Variants in SLC2A13 observed in about 807,000 individuals in gnomAD.
The protein encoded by SLC2A13 is solute carrier family 2 member 13, also known as proton myo-inositol cotransporter.
Under a neutral mutation model 64.4 loss-of-function variants are expected in SLC2A13, and 32 were observed. The ratio of observed to expected loss-of-function variants is 0.50; its 90% CI spans 0.37 to 0.67. SLC2A13 has a LOEUF of 0.67. Among genes scored for constraint, SLC2A13 ranks in the 30% least tolerant of loss-of-function variants. The probability of loss-of-function intolerance (pLI) is 0.00; values close to 1 mark genes in which losing one functional copy is unlikely to be tolerated. For synonymous variants in SLC2A13, 338 were observed against 327.1 expected (o/e 1.03, Z -0.36); for missense variants, 743 against 829.2 (o/e 0.90, Z 1.28).
chr12:39,893,793 C>T (rs1351894192), intron 4 of SLC2A13, among the ~76,000 whole-genome samples: 1 of 152,160 alleles, frequency 6.6e-6, no homozygotes, highest in Non-Finnish European at 1.5e-5. Flanking sequence ...ACATTTTCTG[C>T]AATTTACTTT....
At chr12:39,941,760 G>A (rs536224650) in intron 4 of SLC2A13, among the ~76,000 whole-genome samples, 156 of 152,198 alleles carry the variant, frequency 1.0e-3, no homozygotes, top group Non-Finnish European at 1.8e-3. Flanking sequence ...TTGCTTTTGT[G>A]TTCTTGGTCA....
At chr12:39,999,465 G>A (rs1471902797) in intron 3 of SLC2A13, among the ~76,000 whole-genome samples, 1 of 152,120 alleles carries the variant, frequency 6.6e-6, no homozygotes, top group African/African-American at 2.4e-5. Context: ...GCCGCTCTGG[G>A]AGTGTCTGTC....
chr12:39,990,715 C>T (rs1591985685), intron 3 of SLC2A13, among the ~76,000 whole-genome samples: 1 of 152,124 alleles, frequency 6.6e-6, no homozygotes. Flanking sequence ...CTAGTGGCAG[C>T]TGTGCTTGGG....
intron 7 of SLC2A13, among the ~76,000 whole-genome samples, chr12:39,812,335 CTT>C (rs1363495702): frequency 2.7e-5 from 3 of 110,410 alleles, no homozygotes; most frequent in African/African-American, 4.0e-5. Flanking sequence ...GGACTAATTT[CTT>C]TTTTCTTTTC....
intron 4 of SLC2A13, among the ~76,000 whole-genome samples, chr12:39,900,417 A>T (rs1945059328): frequency 6.6e-6 from 1 of 152,178 alleles, no homozygotes; most frequent in African/African-American, 2.4e-5. Flanking sequence ...TGCAGATGAC[A>T]TGATCGTATA....
intron 4 of SLC2A13, among the ~76,000 whole-genome samples, chr12:39,927,605 A>G (rs1945750809): frequency 6.6e-6 from 1 of 152,174 alleles, no homozygotes; most frequent in East Asian, 1.9e-4. Flanking sequence ...ATCAAACGAG[A>G]AAAAATATTT....
intron 5 of SLC2A13, among the ~76,000 whole-genome samples, chr12:39,866,739 A>G (rs1943922482): frequency 6.6e-6 from 1 of 152,174 alleles, no homozygotes; most frequent in South Asian, 2.1e-4. Flanking sequence ...TCGGCCTCCC[A>G]AAGTGCTGGG....
At position 39,968,149 on chromosome 12, in the gene SLC2A13, G is replaced by A. The variant is rs531677379; in HGVS notation, c.926-16784C>T. ...GTTTAATGGATTCACCATTCAGCAT[G>A]GTTTGGGAGGCCTCAGGAAACTTAC... On this transcript the variant is annotated intron_variant, in intron 3 of 9. Transcript: ENST00000280871. Among the ~76,000 whole-genome samples, 16 of 152,264 alleles carry A rather than the reference G, an allele frequency of 1.1e-4. No homozygotes were observed. The South Asian group carries it at 2.3e-3, about 22-fold the overall frequency.
intron 7 of SLC2A13, among the ~76,000 whole-genome samples, chr12:39,805,770 G>A (rs115800175): frequency 4.6e-5 from 7 of 152,200 alleles, no homozygotes; most frequent in African/African-American, 1.7e-4. Flanking sequence ...AACCAGATCT[G>A]AGTGGGCAAG....
At chr12:39,992,465 C>A (rs553475635) in intron 3 of SLC2A13, among the ~76,000 whole-genome samples, 1 of 152,294 alleles carries the variant, frequency 6.6e-6, no homozygotes, top group Admixed American at 6.5e-5. Flanking sequence ...CTACCTTTTA[C>A]AGCTCATAGC....
At chr12:40,089,570 G>C (rs1345199724) in intron 1 of SLC2A13, among the ~76,000 whole-genome samples, 1 of 152,122 alleles carries the variant, frequency 6.6e-6, no homozygotes, top group African/African-American at 2.4e-5. Flanking sequence ...ATACAAGGAA[G>C]ACTTCTTCAT....
At chr12:39,954,316 A>C (rs1437008133) in intron 3 of SLC2A13, among the ~76,000 whole-genome samples, 2 of 152,026 alleles carry the variant, frequency 1.3e-5, no homozygotes, top group Non-Finnish European at 2.9e-5. Flanking sequence ...GGGGGCTAGA[A>C]TTCAGATGGC....
chr12:39,912,627 A>G (rs1945449689), intron 4 of SLC2A13, among the ~76,000 whole-genome samples: 2 of 152,088 alleles, frequency 1.3e-5, no homozygotes, highest in Non-Finnish European at 2.9e-5. Context: ...GTTGCCTAGT[A>G]AAAATATCAC....
chr12:39,951,008 G>A (rs1322672693), intron 4 of SLC2A13: 2 of 407,698 alleles, frequency 4.9e-6, no homozygotes, highest in Non-Finnish European at 8.6e-6. Flanking sequence ...GGTATTGGAT[G>A]GCGTAAAAGA....
chr12:39,785,051 A>AT lies in SLC2A13; in HGVS notation c.1446-20194dup, dbSNP rs1941135767. On this transcript the variant is annotated intron_variant, in intron 7 of 9. Coordinates refer to ENST00000280871, the MANE Select transcript of SLC2A13 (RefSeq NM_052885.4). ...ATGATGTAGTAGAATAGAAAAACCC[A>AT]TTTTCTGGGGAGAAATTCAAGCCGG... is the stretch of plus-strand genomic sequence containing the variant. Among the ~76,000 whole-genome samples, 7 of 152,192 alleles carry AT rather than the reference A, an allele frequency of 4.6e-5. No homozygotes were observed. The South Asian group carries it at 1.4e-3, about 31-fold the overall frequency.
At chr12:39,996,922 G>A (rs1391682509) in intron 3 of SLC2A13, among the ~76,000 whole-genome samples, 1 of 152,128 alleles carries the variant, frequency 6.6e-6, no homozygotes, top group Non-Finnish European at 1.5e-5. Flanking sequence ...CATGCTCATG[G>A]ATGGGTAGAA....
chr12:39,842,623 A>T (rs947547934), intron 6 of SLC2A13, among the ~76,000 whole-genome samples: 1 of 151,910 alleles, frequency 6.6e-6, no homozygotes, highest in Non-Finnish European at 1.5e-5. Context: ...AAAATTTTTT[A>T]CTGAGATAAA....
chr12:39,786,466 T>A (rs1941192621), intron 7 of SLC2A13, among the ~76,000 whole-genome samples: 1 of 150,968 alleles, frequency 6.6e-6, no homozygotes, highest in African/African-American at 2.4e-5. Context: ...ATCAGCAGCA[T>A]GAAAATGGAC....
chr12:39,952,919 A>G (rs10877832), intron 3 of SLC2A13, among the ~76,000 whole-genome samples: 16,089 of 152,216 alleles, frequency 0.11, 899 homozygotes, highest in East Asian at 0.19. Context: ...CCACAAAATA[A>G]GCAAGGCACT....
Sources: allele counts gnomAD v4.1 joint callset (sites outside exome capture counted in the v4.1 genomes callset), GRCh38; gene constraint gnomAD v4.1.1; transcripts MANE v1.5; gene names NCBI Gene and HGNC (gene_info 2026-07-23, HGNC 2026-07-21).